Variants in WNK1 observed in about 807,000 individuals in gnomAD.
The protein encoded by WNK1 is serine/threonine-protein kinase WNK1.
Under a neutral mutation model 222.8 loss-of-function variants are expected in WNK1, and 38 were observed. That is an observed-to-expected ratio of 0.17 (90% CI 0.13 to 0.22). The LOEUF (loss-of-function observed/expected upper bound fraction) is 0.22, where lower values mean the gene tolerates loss of function less well. Ranked by LOEUF, WNK1 falls within the 10% of genes least tolerant of loss-of-function variation. The pLI, the probability that WNK1 is intolerant of heterozygous loss-of-function variation, is 1.00. For missense variants in WNK1, 2,348 were observed against 2,918.4 expected, an observed-to-expected ratio of 0.80 and a Z score of 4.50; for synonymous variants, 1,090 against 1,092.9, an observed-to-expected ratio of 1.00 and a Z score of 0.05.
In WNK1 at chr12:862,162, T is replaced by C. The variant is rs756885499; in HGVS notation, c.2031T>C (p.Tyr677=). 6.2e-7 allele frequency: 1 copy of C among 1,614,162 alleles called. No individual in the cohort carries two copies. The highest frequency in any genetic ancestry group is 8.5e-7 in the Non-Finnish European group (1 of 1,180,006). Residue 677 remains tyrosine (Y), a synonymous_variant, in exon 8 of 28, where the codon TAT becomes TAC. Coordinates refer to ENST00000315939, the MANE Select transcript of WNK1 (RefSeq NM_018979.4). ...TGAGCAGCCAACAGACAGTTTCATA[T>C]GGTTCCCAACATGAACAGGCACATT... ...SRVSSQQTVS[Y]GSQHEQAHST... is the part of the protein sequence containing the mutation.
intron 1 of WNK1, among the ~76,000 whole-genome samples, chr12:760,332 A>C (rs1940840654): frequency 6.8e-6 from 1 of 147,806 alleles, no homozygotes; most frequent in Non-Finnish European, 1.5e-5. Flanking sequence ...ACTATGGTGT[A>C]ATAGAATACT....
intron 2 of WNK1, among the ~76,000 whole-genome samples, chr12:823,900 C>CTT (rs10543848): frequency 2.4e-4 from 24 of 101,396 alleles, no homozygotes; most frequent in Middle Eastern, 4.9e-3. Context: ...TCAGAGACAT[C>CTT]TTTTTTTTTT....
Position 827,431 on chromosome 12 carries a change from T to G in WNK1, c.1153+169T>G. 1.6e-6 allele frequency: 1 copy of G among 640,798 alleles called. No homozygotes were observed. The highest frequency in any genetic ancestry group is 2.8e-6 in the Non-Finnish European group (1 of 360,246). 39.7% of individuals were successfully genotyped at this position (640,798 alleles called of 1,614,324 possible). A position where few individuals can be genotyped will look rare whatever the true frequency, so the allele number is the denominator to read the frequency against. On this transcript the variant is annotated intron_variant, in intron 3 of 27. Coordinates refer to ENST00000315939, the MANE Select transcript of WNK1 (RefSeq NM_018979.4). The surrounding 1 kb of genome is among the most constrained non-coding windows in gnomAD (Gnocchi z 4.6). ...GATATAGGATTCTCTATATTTGTGC[T>G]TCTTGGAATCATCTTAGAGACTATT...
chr12:880,810 A>G lies in WNK1; in HGVS notation c.2922A>G (p.Thr974=), dbSNP rs775592823. 4.3e-6 allele frequency: 7 copies of G among 1,613,834 alleles called. No individual in the cohort carries two copies. In the Admixed American group the frequency reaches 8.3e-5, roughly 19 times the overall value. ...SNVASVCIHS[T]VLSPPMPTEV... ...TGGCTTCTGTTTGCATCCATTCTAC[A>G]GTCCTATCCCCTCCCATGCCGACAG... The change falls in exon 12 of 28, where the codon ACA becomes ACG. Residue 974 remains threonine, a synonymous_variant. Transcript: ENST00000315939.
intron 8 of WNK1, among the ~76,000 whole-genome samples, chr12:869,701 G>A (rs1951976490): frequency 6.6e-6 from 1 of 151,988 alleles, no homozygotes; most frequent in South Asian, 2.1e-4. Context: ...TTTTAAAATG[G>A]CATCAGTCAA....
chr12:837,443 G>A (rs1027526489), intron 4 of WNK1, among the ~76,000 whole-genome samples: 6 of 151,728 alleles, frequency 4.0e-5, no homozygotes, highest in East Asian at 3.9e-4. Flanking sequence ...GCGCGGTGGC[G>A]GGCGCCTGTA....
intron 8 of WNK1, among the ~76,000 whole-genome samples, chr12:866,300 A>T (rs1418484269): frequency 1.3e-5 from 2 of 152,224 alleles, no homozygotes; most frequent in Admixed American, 6.5e-5. Flanking sequence ...CCTATGGAAG[A>T]ATGAAACTGA....
At chr12:844,711 C>G (rs1316576233) in intron 4 of WNK1, among the ~76,000 whole-genome samples, 1 of 151,990 alleles carries the variant, frequency 6.6e-6, no homozygotes, top group Non-Finnish European at 1.5e-5. Flanking sequence ...CTTCTGGCTT[C>G]TAGTAAAGAA....
At position 886,096 on chromosome 12, in the gene WNK1, G is replaced by T. The variant is rs1384122114; in HGVS notation, c.5280+12G>T. 1 of 1,591,906 alleles carries T rather than the reference G, an allele frequency of 6.3e-7. No homozygotes were observed. The highest frequency in any genetic ancestry group is 1.1e-5 in the South Asian group (1 of 88,146). ...TAACTAAGGCTCCGGTAAAATTATT[G>T]TTATAAAATAATTAGATAAATATGA... On this transcript the variant is annotated intron_variant, in intron 19 of 27. Transcript: ENST00000315939.
chr12:872,695 C>G (rs1307110785), intron 9 of WNK1, among the ~76,000 whole-genome samples: 1 of 152,072 alleles, frequency 6.6e-6, no homozygotes, highest in African/African-American at 2.4e-5. Context: ...TGTTAGTTCC[C>G]CATGTGGGTT....
intron 1 of WNK1, among the ~76,000 whole-genome samples, chr12:810,327 A>G (rs981907845): frequency 6.6e-6 from 1 of 152,192 alleles, no homozygotes; most frequent in African/African-American, 2.4e-5. Flanking sequence ...GAGTATTCCA[A>G]TATTGACCTA....
At position 783,490 on chromosome 12, in the gene WNK1, C is replaced by T. The variant is rs72472281; in HGVS notation, c.759+29166C>T. ...CAACAAACCAAGATGCTGTCTCCAC[C>T]AAAAAAAAAACAAAACAAAAATTAT... On this transcript the variant is annotated intron_variant, in intron 1 of 27. Transcript: ENST00000315939. 7.3e-3 allele frequency among the ~76,000 whole-genome samples: 546 copies of T among 74,348 alleles called. 19 individuals carry two copies. The highest frequency in any genetic ancestry group is 0.026 in the African/African-American group (521 of 19,662). 48.8% of individuals were successfully genotyped at this position (74,348 alleles called of 152,430 possible).
At chr12:809,039 C>T (rs752633113) in intron 1 of WNK1, among the ~76,000 whole-genome samples, 5 of 151,968 alleles carry the variant, frequency 3.3e-5, no homozygotes, top group Non-Finnish European at 7.4e-5. Flanking sequence ...GCTGGGATTA[C>T]AGGCGTGAGC....
At position 882,026 on chromosome 12, in the gene WNK1, C is replaced by T. The variant is rs1309903063; in HGVS notation, c.3325C>T (p.Arg1109Cys). The change falls in exon 14 of 28, where the codon CGC becomes TGC. Residue 1109 changes from arginine (R) to cysteine (C), a missense_variant. Arg to Cys is a radical substitution (Grantham distance 180). Coordinates refer to ENST00000315939, the MANE Select transcript of WNK1 (RefSeq NM_018979.4). ...GCATTACCGAAAATCTGTAAGGAGT[C>T]GCTCTCGACATGAAAAAACTTCACG... ...KRHYRKSVRS[R>C]SRHEKTSRPK... 2.5e-6 allele frequency: 4 copies of T among 1,613,880 alleles called. No individual in the cohort carries two copies. The highest frequency in any genetic ancestry group is 1.7e-5 in the Admixed American group (1 of 59,988).
At position 862,064 on chromosome 12, in the gene WNK1, C is replaced by T. The variant is rs755840120; in HGVS notation, c.1952-19C>T. 3.3e-5 allele frequency: 54 copies of T among 1,612,612 alleles called. No individual in the cohort carries two copies. The highest frequency in any genetic ancestry group is 2.4e-4 in the South Asian group (22 of 91,016). ...GTCTTTCTCTCTCTCTTTTTTTTGGCGATTCATTTTTCCTTCAGCTGATGG... is the reference window on the plus strand; with the variant it reads ...GTCTTTCTCTCTCTCTTTTTTTTGGTGATTCATTTTTCCTTCAGCTGATGG... On this transcript the variant is annotated intron_variant, in intron 7 of 27. Coordinates refer to ENST00000315939, the MANE Select transcript of WNK1 (RefSeq NM_018979.4).
At chr12:904,797 G>C (rs562693366) in intron 26 of WNK1, among the ~76,000 whole-genome samples, 1 of 152,092 alleles carries the variant, frequency 6.6e-6, no homozygotes, top group African/African-American at 2.4e-5. Flanking sequence ...AATATGTGCC[G>C]GGCAGTGTTA....
chr12:760,067 T>C (rs1049619356), intron 1 of WNK1, among the ~76,000 whole-genome samples: 1 of 148,082 alleles, frequency 6.8e-6, no homozygotes, highest in Non-Finnish European at 1.5e-5. Context: ...TTGATCTTTA[T>C]GTTACTGGTG....
At chr12:821,685 A>T (rs1397877208) in intron 2 of WNK1, among the ~76,000 whole-genome samples, 1 of 152,180 alleles carries the variant, frequency 6.6e-6, no homozygotes, top group Non-Finnish European at 1.5e-5. Context: ...TCCTCCCTTT[A>T]ATTCTGTGAA....
Position 753,232 on chromosome 12 carries a change from G to T in WNK1, c.-334G>T, listed in dbSNP as rs972098556. ...CCCTGGCCCTCCCCTCATGACTGCG[G>T]CGCCTCTGCTGCCACCGCCCGCCCG... On this transcript the variant is annotated 5_prime_UTR_variant, in exon 1 of 28. Transcript: ENST00000315939. The surrounding 1 kb of genome is among the most constrained non-coding windows in gnomAD (Gnocchi z 5.2). The T allele has an allele frequency of 1.0e-5, 3 of 295,940 alleles. No homozygotes were observed. The Admixed American group carries it at 1.7e-4, about 16-fold the overall frequency. 18.3% of individuals were successfully genotyped at this position (295,940 alleles called of 1,614,324 possible).
Sources: gnomAD v4.1 joint callset for allele counts (sites outside exome capture counted in the v4.1 genomes callset) on GRCh38, gnomAD v4.1.1 for gene constraint, Gnocchi (gnomAD v3.1) non-coding constraint, MANE v1.5 for transcripts, NCBI Gene and HGNC (gene_info 2026-07-23, HGNC 2026-07-21) for gene names.